Variants in COX15 observed in about 807,000 individuals in gnomAD.
COX15 encodes the protein heme A synthase COX15.
A neutral mutation model predicts 51.9 loss-of-function variants in COX15; 51 were observed. The ratio of observed to expected loss-of-function variants is 0.98; its 90% CI spans 0.78 to 1.24. The LOEUF (loss-of-function observed/expected upper bound fraction) is 1.24, where lower values mean the gene tolerates loss of function less well. COX15 is among the 50% of genes most tolerant of loss of function. The probability of loss-of-function intolerance (pLI) is 0.00; values close to 1 mark genes in which losing one functional copy is unlikely to be tolerated. For synonymous variants in COX15, 188 were observed against 190.5 expected (o/e 0.99, Z 0.11); for missense variants, 420 against 501.1 (o/e 0.84, Z 1.55).
chr10:99,702,747 C>T, the COX15 span: 10 of 1,125,610 alleles, frequency 8.9e-6, no homozygotes, highest in South Asian at 9.9e-5. Flanking sequence ...CGGTTTCTTT[C>T]TTTTTTTTTT....
chr10:99,726,703 T>C (rs928401882), intron 4 of COX15, among the ~76,000 whole-genome samples: 24 of 151,756 alleles, frequency 1.6e-4, no homozygotes, highest in Non-Finnish European at 2.8e-4. Flanking sequence ...CTGGCTAACA[T>C]GGTGAAACCC....
At chr10:99,698,577 C>T in the COX15 span, 4 of 1,614,030 alleles carry the variant, frequency 2.5e-6, no homozygotes, top group Non-Finnish European at 3.4e-6. Context: ...CAATCCATTT[C>T]TGGATCCCTG....
intron 8 of COX15, 132 bp from the exon 9 acceptor site, chr10:99,714,850 A>T: frequency 6.7e-7 from 1 of 1,485,782 alleles, no homozygotes; most frequent in Non-Finnish European, 9.1e-7. Context: ...CACATTTTTA[A>T]TTTCACAAGC....
At chr10:99,709,008 T>C (rs1156772229), downstream of COX15, 2 of 985,270 alleles carry the variant, frequency 2.0e-6, no homozygotes, top group African/African-American at 3.5e-5. Context: ...AAAAATACTT[T>C]GTCAGAAATA....
chr10:99,711,242 C>T lies in COX15; in HGVS notation c.*3345G>A, dbSNP rs375153079. 2 of 985,240 alleles carry T rather than the reference C, an allele frequency of 2.0e-6. No individual in the cohort carries two copies. The highest frequency in any genetic ancestry group is 9.4e-5 in the South Asian group (2 of 21,292). The allele number at this position is 985,240 out of a possible 1,614,324, so 61.0% of individuals were successfully genotyped here. A position where few individuals can be genotyped will look rare whatever the true frequency, so the allele number is the denominator to read the frequency against. On this transcript the variant is annotated 3_prime_UTR_variant, in exon 9 of 9. Coordinates refer to ENST00000016171, the MANE Select transcript of COX15 (RefSeq NM_078470.6). ...TGAAGTAAAACATCTGAAACCTTAA[C>T]TTACTCATGAGTTGCTACTTCCTTG...
chr10:99,709,098 A>G (rs1319135131), downstream of COX15: 1 of 981,558 alleles, frequency 1.0e-6, no homozygotes, highest in Non-Finnish European at 1.2e-6. Context: ...TTTTAAAACA[A>G]TTTTATACAA....
In COX15 at chr10:99,713,517, C is replaced by A; in HGVS notation, c.*1070G>T. ...AATAGAGACCAAAATCACATTAATT[C>A]AGCAGTCAACAATTTGTTTATCTGG... On this transcript the variant is annotated 3_prime_UTR_variant, in exon 9 of 9. Coordinates refer to ENST00000016171, the MANE Select transcript of COX15 (RefSeq NM_078470.6). 1.3e-6 allele frequency: 2 copies of A among 1,590,700 alleles called. No individual in the cohort carries two copies. The highest frequency in any genetic ancestry group is 1.8e-5 in the Admixed American group (1 of 56,662).
the COX15 span, chr10:99,697,879 A>C: frequency 6.5e-6 from 1 of 153,658 alleles, no homozygotes; most frequent in African/African-American, 2.4e-5. Context: ...CATACTCATC[A>C]TTTTGAGGAA....
chr10:99,727,217 T>C, intron 3 of COX15, 63 bp from the exon 4 acceptor site: 3 of 1,578,192 alleles, frequency 1.9e-6, no homozygotes, highest in South Asian at 2.2e-5. Flanking sequence ...TTTATTTTCT[T>C]ACGGAATGCA....
the COX15 span, chr10:99,698,445 A>G: frequency 2.3e-6 from 3 of 1,280,074 alleles, no homozygotes; most frequent in Admixed American, 2.4e-5. Context: ...CAGTAGTAAG[A>G]TATTTCTGAT....
the COX15 span, among the ~76,000 whole-genome samples, chr10:99,697,104 C>T: frequency 1.4e-4 from 22 of 152,166 alleles, no homozygotes; most frequent in African/African-American, 4.6e-4. Context: ...CTTATATTTA[C>T]GGCATGTTGA....
intron 8 of COX15, among the ~76,000 whole-genome samples, chr10:99,715,466 T>C (rs2036539167): frequency 6.6e-6 from 1 of 151,978 alleles, no homozygotes; most frequent in Non-Finnish European, 1.5e-5. Context: ...TTAGGTTGTT[T>C]CCAATTTTTC....
rs1283551457 is a variant in COX15 at position 99,712,438 on chromosome 10, A to G, written c.*2149T>C. 59 of 985,278 alleles carry G rather than the reference A, an allele frequency of 6.0e-5. No homozygotes were observed. Among genetic ancestry groups the G allele is most frequent in the Non-Finnish European group, 6.7e-5 (56 of 829,912 alleles). The allele number at this position is 985,278 out of a possible 1,614,324, so 61.0% of individuals were successfully genotyped here. On this transcript the variant is annotated 3_prime_UTR_variant, in exon 9 of 9. Coordinates refer to ENST00000016171, the MANE Select transcript of COX15 (RefSeq NM_078470.6). ...ATCTAGATATGTGGCTTATTTTTAA[A>G]AAACAGAAGATTTGCTGACTTAAAC...
the COX15 span, among the ~76,000 whole-genome samples, chr10:99,702,166 T>C: frequency 6.6e-6 from 1 of 152,360 alleles, no homozygotes; most frequent in African/African-American, 2.4e-5. Flanking sequence ...ATCTTGTTTT[T>C]ATCTGTTTTC....
At chr10:99,704,917 G>A in the COX15 span, 2 of 543,120 alleles carry the variant, frequency 3.7e-6, no homozygotes, top group Non-Finnish European at 6.6e-6. Context: ...TAATACGGGG[G>A]ACCAAGCTTT....
chr10:99,700,894 T>C, the COX15 span: 1 of 1,171,110 alleles, frequency 8.5e-7, no homozygotes, highest in South Asian at 1.3e-5. Context: ...ACTTTAGAAA[T>C]GGAACAGCTG....
At chr10:99,700,910 G>T in the COX15 span, 1 of 1,327,772 alleles carries the variant, frequency 7.5e-7, no homozygotes, top group Non-Finnish European at 1.1e-6. Context: ...AGCTGTGACT[G>T]TGGGGAAGGT....
chr10:99,711,505 T>A lies in COX15; in HGVS notation c.*3082A>T. The A allele has an allele frequency of 1.0e-6, 1 of 985,326 alleles. No homozygotes were observed. The highest frequency in any genetic ancestry group is 4.7e-5 in the South Asian group (1 of 21,282). The allele number at this position is 985,326 out of a possible 1,614,324, so 61.0% of individuals were successfully genotyped here. ...ATCAAATGATAAGGTGGGGTGGAAA[T>A]TAGAAGGGAATGGGAATAAGCTAGT... On this transcript the variant is annotated 3_prime_UTR_variant, in exon 9 of 9. Transcript: ENST00000016171.
the COX15 span, among the ~76,000 whole-genome samples, chr10:99,702,048 CA>C: frequency 7.2e-4 from 105 of 146,526 alleles, no homozygotes; most frequent in Non-Finnish European, 1.1e-3. Flanking sequence ...GACTCTGTCT[CA>C]AAAAAAAACA....
Sources: allele counts gnomAD v4.1 joint callset (sites outside exome capture counted in the v4.1 genomes callset), GRCh38; gene constraint gnomAD v4.1.1; transcripts MANE v1.5; gene names NCBI Gene and HGNC (gene_info 2026-07-23, HGNC 2026-07-21).